Variants in PIWIL4 observed in about 807,000 individuals in gnomAD.
PIWIL4 encodes the protein piwi like RNA-mediated gene silencing 4.
Under a neutral mutation model 100.9 loss-of-function variants are expected in PIWIL4, and 50 were observed. The observed-to-expected ratio is 0.50, with a 90% CI of 0.39 to 0.63. The LOEUF (loss-of-function observed/expected upper bound fraction) is 0.63, where lower values mean the gene tolerates loss of function less well. Among genes scored for constraint, PIWIL4 ranks in the 20% least tolerant of loss-of-function variants. The pLI is 0.00. For missense variants in PIWIL4, 887 were observed against 1,043.3 expected, an observed-to-expected ratio of 0.85 and a Z score of 2.06; for synonymous variants, 342 against 367.5, an observed-to-expected ratio of 0.93 and a Z score of 0.79.
intron 11 of PIWIL4, among the ~76,000 whole-genome samples, chr11:94,600,619 CATCTT>C (rs1948623500): frequency 1.3e-5 from 2 of 152,164 alleles, no homozygotes; most frequent in African/African-American, 4.8e-5. Flanking sequence ...TCACTGATAA[CATCTT>C]ATCAGGAGAC....
intron 10 of PIWIL4, among the ~76,000 whole-genome samples, chr11:94,596,354 T>G (rs543729912): frequency 6.6e-6 from 1 of 152,158 alleles, no homozygotes; most frequent in African/African-American, 2.4e-5. Context: ...TGTGTATGTG[T>G]GTTTACTCAG....
At chr11:94,608,516 C>G (rs1207579350) in intron 14 of PIWIL4, 67 bp from the exon 15 acceptor site, 5 of 1,389,180 alleles carry the variant, frequency 3.6e-6, no homozygotes, top group Non-Finnish European at 4.1e-6. Flanking sequence ...AAAAACTTTC[C>G]TATTAAACCA....
chr11:94,580,183 G>A (rs974753032), intron 4 of PIWIL4, among the ~76,000 whole-genome samples: 1 of 152,070 alleles, frequency 6.6e-6, no homozygotes, highest in Non-Finnish European at 1.5e-5. Flanking sequence ...CCAGATATAG[G>A]GGATACTAGG....
intron 8 of PIWIL4, 69 bp downstream of exon 8, chr11:94,589,301 C>T: frequency 7.5e-7 from 1 of 1,330,528 alleles, no homozygotes; most frequent in Non-Finnish European, 1.1e-6. Flanking sequence ...TATTCCAAGT[C>T]TCAGAGGTCC....
chr11:94,588,168 G>A (rs1041891731), intron 7 of PIWIL4, among the ~76,000 whole-genome samples: 3 of 151,458 alleles, frequency 2.0e-5, no homozygotes, highest in Non-Finnish European at 2.9e-5. Context: ...GTGTCCATGT[G>A]TTCTCATTGT....
chr11:94,569,894 A>C (rs1369886960), intron 2 of PIWIL4, among the ~76,000 whole-genome samples: 1 of 152,216 alleles, frequency 6.6e-6, no homozygotes, highest in Non-Finnish European at 1.5e-5. Context: ...CTAAAAGCCC[A>C]GACTTCACAC....
At chr11:94,593,294 G>A (rs1040415858) in intron 8 of PIWIL4, among the ~76,000 whole-genome samples, 18 of 152,196 alleles carry the variant, frequency 1.2e-4, no homozygotes, top group African/African-American at 4.3e-4. Context: ...GCAGGGAAAC[G>A]ATATTTTTAA....
At chr11:94,609,222 G>C (rs1340531773) in intron 15 of PIWIL4, among the ~76,000 whole-genome samples, 1 of 152,178 alleles carries the variant, frequency 6.6e-6, no homozygotes, top group Non-Finnish European at 1.5e-5. Flanking sequence ...TCCACCCATA[G>C]TAAATACTCA....
chr11:94,603,769 A>T (rs531611608), intron 12 of PIWIL4, among the ~76,000 whole-genome samples: 1 of 152,214 alleles, frequency 6.6e-6, no homozygotes, highest in Non-Finnish European at 1.5e-5. Context: ...TTTCTACCAA[A>T]CCATTTTTTA....
chr11:94,595,025 C>T (rs1049403078), intron 9 of PIWIL4, among the ~76,000 whole-genome samples: 1 of 152,214 alleles, frequency 6.6e-6, no homozygotes, highest in Non-Finnish European at 1.5e-5. Flanking sequence ...AAGGAAACTA[C>T]CTCAACAATA....
At chr11:94,587,959 TTTTTA>T (rs1354138882) in intron 7 of PIWIL4, among the ~76,000 whole-genome samples, 4 of 152,156 alleles carry the variant, frequency 2.6e-5, no homozygotes, top group Non-Finnish European at 4.4e-5. Flanking sequence ...TTTTAAAAAT[TTTTTA>T]TTTTAAGTTT....
At chr11:94,591,189 A>G (rs753871483) in intron 8 of PIWIL4, among the ~76,000 whole-genome samples, 3 of 151,772 alleles carry the variant, frequency 2.0e-5, no homozygotes, top group Non-Finnish European at 4.4e-5. Context: ...TCTTTCTTAT[A>G]TTTCTCAGCA....
chr11:94,587,096 A>G lies in PIWIL4; in HGVS notation c.763A>G (p.Arg255Gly), dbSNP rs774172070. Reference sequence around the variant, plus strand: ...TGCCATTTCTGTGTCATATTTTGAAAGGAAGCTCCTGTTTAGTGCTGATGT... The same window carrying G: ...TGCCATTTCTGTGTCATATTTTGAAGGGAAGCTCCTGTTTAGTGCTGATGT... ...GFAISVSYFE[R>G]KLLFSADVSY... is the part of the protein sequence containing the mutation. Residue 255 changes from arginine (R) to glycine (G), a missense_variant, in exon 7 of 20, where the codon AGG (arginine) becomes GGG (glycine). By Grantham distance (125) the Arg-to-Gly change is moderately radical (BLOSUM62 -2). Around this residue, in one of 2 missense-constraint regions of PIWIL4, gnomAD observed 741 missense variants for 930.0 expected, o/e 0.80. Transcript: ENST00000299001. The G allele has an allele frequency of 4.3e-6, 7 of 1,613,894 alleles. No homozygotes were observed. The highest frequency in any genetic ancestry group is 3.3e-5 in the Admixed American group (2 of 60,004).
chr11:94,604,968 A>C (rs1241332998), intron 13 of PIWIL4, among the ~76,000 whole-genome samples: 1 of 152,236 alleles, frequency 6.6e-6, no homozygotes, highest in Non-Finnish European at 1.5e-5. Flanking sequence ...TGACAAGAAC[A>C]GTACAAACAA....
intron 4 of PIWIL4, among the ~76,000 whole-genome samples, chr11:94,583,075 A>C (rs940177973): frequency 5.5e-4 from 58 of 105,522 alleles, no homozygotes; most frequent in African/African-American, 2.4e-3. Flanking sequence ...TGTGTGTGTG[A>C]AATTTTATTG....
chr11:94,620,205 T>C (rs1948891102), intron 19 of PIWIL4, 61 bp downstream of exon 19: 3 of 1,474,836 alleles, frequency 2.0e-6, no homozygotes, highest in South Asian at 1.3e-5. Flanking sequence ...CTAGGAATTA[T>C]CATACACGTC....
intron 15 of PIWIL4, among the ~76,000 whole-genome samples, chr11:94,611,308 G>T (rs959729115): frequency 4.6e-5 from 7 of 152,002 alleles, no homozygotes; most frequent in African/African-American, 1.7e-4. Flanking sequence ...ATATACTGTT[G>T]AATTTAGTTT....
intron 19 of PIWIL4, 78 bp from the exon 20 acceptor site, chr11:94,620,798 G>C: frequency 9.0e-7 from 1 of 1,105,726 alleles, no homozygotes; most frequent in South Asian, 1.4e-5. Flanking sequence ...GTAACCAGTA[G>C]ACAAAGTAAA....
At chr11:94,572,775 C>T (rs965159923) in intron 2 of PIWIL4, among the ~76,000 whole-genome samples, 1 of 152,164 alleles carries the variant, frequency 6.6e-6, no homozygotes, top group Non-Finnish European at 1.5e-5. Context: ...AATGTGCGTT[C>T]TTTTTTGGTT....
Sources: allele counts gnomAD v4.1 joint callset (sites outside exome capture counted in the v4.1 genomes callset), GRCh38; gene constraint gnomAD v4.1.1; regional missense constraint gnomAD v4.1.1; transcripts MANE v1.5; gene names NCBI Gene and HGNC (gene_info 2026-07-23, HGNC 2026-07-21).